The following RBM26 variants were observed in gnomAD, a reference collection of about 807,000 sequenced individuals.
RBM26 encodes the protein RNA binding motif protein 26, also known as RNA-binding protein 26.
RBM26 carries 30 observed loss-of-function variants against 123.6 expected under a neutral mutation model. The observed-to-expected ratio is 0.24, with a 90% confidence interval of 0.18 to 0.33. The LOEUF is 0.33. RBM26 is among the 10% of genes least tolerant of loss of function. The probability of loss-of-function intolerance (pLI) is 1.00; values close to 1 mark genes in which losing one functional copy is unlikely to be tolerated. For missense variants in RBM26, 947 were observed against 1,203.6 expected (o/e 0.79, Z 3.15); for synonymous variants, 400 against 404.4 (o/e 0.99, Z 0.13).
chr13:79,336,254 G>A (rs1377577805), intron 19 of RBM26, among the ~76,000 whole-genome samples: 4 of 152,074 alleles, frequency 2.6e-5, no homozygotes, highest in East Asian at 1.9e-4. Context: ...ATATGCCAGC[G>A]TGATACTTCT....
intron 13 of RBM26, among the ~76,000 whole-genome samples, chr13:79,353,429 GA>G (rs2139480415): frequency 6.6e-6 from 1 of 152,202 alleles, no homozygotes; most frequent in South Asian, 2.1e-4. Context: ...ATTCAATCAT[GA>G]AAAATGATGT....
intron 1 of RBM26, among the ~76,000 whole-genome samples, chr13:79,395,202 G>A (rs1467109246): frequency 6.6e-6 from 1 of 152,138 alleles, no homozygotes; most frequent in Non-Finnish European, 1.5e-5. Context: ...ATCTACATGA[G>A]ACGAAACAGT....
intron 18 of RBM26, among the ~76,000 whole-genome samples, chr13:79,338,300 C>G (rs1256805185): frequency 6.6e-6 from 1 of 152,190 alleles, no homozygotes; most frequent in African/African-American, 2.4e-5. Context: ...TCGAAAAGAA[C>G]TTCAAAGATT....
At chr13:79,397,326 T>C (rs1410687476) in intron 1 of RBM26, among the ~76,000 whole-genome samples, 1 of 151,986 alleles carries the variant, frequency 6.6e-6, no homozygotes. Context: ...TACTGAAACA[T>C]TTAATCTCTT....
chr13:79,386,846 A>T (rs1001503306), intron 1 of RBM26, among the ~76,000 whole-genome samples: 4 of 152,162 alleles, frequency 2.6e-5, no homozygotes, highest in Non-Finnish European at 5.9e-5. Context: ...TTTTAAAACC[A>T]AAAAGGCAAA....
At chr13:79,354,017 C>A (rs2139501340) in intron 13 of RBM26, among the ~76,000 whole-genome samples, 1 of 152,256 alleles carries the variant, frequency 6.6e-6, no homozygotes, top group Non-Finnish European at 1.5e-5. Flanking sequence ...ATGGTTTAAG[C>A]CTTCCCTTAC....
At chr13:79,367,457 A>C (rs185579677) in intron 6 of RBM26, among the ~76,000 whole-genome samples, 53 of 150,538 alleles carry the variant, frequency 3.5e-4, no homozygotes, top group African/African-American at 1.3e-3. Flanking sequence ...AAAAGAGAGA[A>C]ATGTGACAAA....
intron 14 of RBM26, among the ~76,000 whole-genome samples, chr13:79,350,461 G>A (rs1469193075): frequency 1.3e-5 from 2 of 152,144 alleles, no homozygotes; most frequent in African/African-American, 4.8e-5. Flanking sequence ...GTAAGCAGAG[G>A]CACTCAAACA....
At chr13:79,395,490 A>G (rs2078477425) in intron 1 of RBM26, among the ~76,000 whole-genome samples, 1 of 152,202 alleles carries the variant, frequency 6.6e-6, no homozygotes, top group South Asian at 2.1e-4. Context: ...CTATAATCCC[A>G]GCACTTTGGG....
intron 1 of RBM26, among the ~76,000 whole-genome samples, chr13:79,385,217 T>C (rs1271766702): frequency 6.6e-6 from 1 of 152,184 alleles, no homozygotes; most frequent in Non-Finnish European, 1.5e-5. Context: ...GCATAATACA[T>C]ACATTGAAAA....
chr13:79,347,904 GTTTT>G (rs1367151650), intron 14 of RBM26, among the ~76,000 whole-genome samples: 4 of 151,856 alleles, frequency 2.6e-5, no homozygotes, highest in African/African-American at 9.7e-5. Context: ...GTTAGCTGTA[GTTTT>G]TTTTCTTTTA....
At chr13:79,379,011 C>T (rs1594553864) in intron 1 of RBM26, 104 bp from the exon 2 acceptor site, 1 of 730,964 alleles carries the variant, frequency 1.4e-6, no homozygotes. Context: ...TGAGTTAATA[C>T]ATGTAAAAAG....
At chr13:79,365,743 A>C in intron 8 of RBM26, 25 bp from the exon 9 acceptor site, 1 of 1,597,644 alleles carries the variant, frequency 6.3e-7, no homozygotes, top group Admixed American at 1.8e-5. Flanking sequence ...ACTGTAATTA[A>C]AAAACAATTA....
intron 1 of RBM26, among the ~76,000 whole-genome samples, chr13:79,386,782 T>C (rs925586886): frequency 9.9e-5 from 15 of 151,964 alleles, no homozygotes; most frequent in African/African-American, 3.6e-4. Context: ...AGATCTCAGG[T>C]AACCCATCCC....
chr13:79,368,581 C>T (rs1354444287), intron 6 of RBM26, 149 bp downstream of exon 6: 3 of 631,224 alleles, frequency 4.8e-6, no homozygotes, highest in African/African-American at 3.7e-5. Context: ...ATAAATGTTT[C>T]AATCATATTG....
intron 11 of RBM26, among the ~76,000 whole-genome samples, chr13:79,355,635 G>A (rs1594255705): frequency 6.6e-6 from 1 of 152,254 alleles, no homozygotes; most frequent in East Asian, 1.9e-4. Flanking sequence ...TTACATATAG[G>A]CATTCAAAGT....
chr13:79,366,250 T>A (rs2075258632), intron 7 of RBM26, 55 bp from the exon 8 acceptor site: 1 of 1,560,658 alleles, frequency 6.4e-7, no homozygotes. Context: ...ATAAAACAAG[T>A]TATTGCACAT....
chr13:79,373,678 T>C (rs557393317), intron 3 of RBM26, among the ~76,000 whole-genome samples: 2 of 66,180 alleles, frequency 3.0e-5, no homozygotes, highest in East Asian at 5.6e-4. Context: ...TATATATTAC[T>C]ATATATAATA....
intron 9 of RBM26, among the ~76,000 whole-genome samples, chr13:79,363,554 A>C (rs767598851): frequency 1.3e-5 from 2 of 152,204 alleles, no homozygotes; most frequent in Non-Finnish European, 2.9e-5. Context: ...TGATGTATCT[A>C]AAGAAGAGTA....
Sources: gnomAD v4.1 joint callset for allele counts (sites outside exome capture counted in the v4.1 genomes callset) on GRCh38, gnomAD v4.1.1 for gene constraint, MANE v1.5 for transcripts, NCBI Gene and HGNC (gene_info 2026-07-23, HGNC 2026-07-21) for gene names.